The following MN1 variants were observed in gnomAD, a reference collection of about 807,000 sequenced individuals.
MN1 encodes the protein MN1 proto-oncogene, transcriptional regulator, also known as transcriptional activator MN1.
MN1 carries 19 observed loss-of-function variants against 86.9 expected under a neutral mutation model. The observed-to-expected ratio is 0.22, with a 90% CI of 0.15 to 0.32. The LOEUF (loss-of-function observed/expected upper bound fraction) is 0.32. Ranked by LOEUF, MN1 falls within the 10% of genes least tolerant of loss-of-function variation. The pLI, the probability that MN1 is intolerant of heterozygous loss-of-function variation, is 1.00. For synonymous variants in MN1, 928 were observed against 849.6 expected (o/e 1.09, Z -1.60); for missense variants, 1,841 against 1,862.0 (o/e 0.99, Z 0.21).
chr22:27,779,484 T>C (rs1933023422), intron 1 of MN1, among the ~76,000 whole-genome samples: 2 of 151,822 alleles, frequency 1.3e-5, no homozygotes, highest in African/African-American at 2.4e-5. Flanking sequence ...AGACACAGAG[T>C]TGGTTTTTAT....
intron 1 of MN1, 23 bp downstream of exon 1, chr22:27,796,740 G>C (rs755960564): frequency 1.3e-6 from 2 of 1,559,612 alleles, no homozygotes; most frequent in Admixed American, 1.7e-5. Context: ...CGGGAAGTGA[G>C]AGGAAAACGA....
intron 1 of MN1, among the ~76,000 whole-genome samples, chr22:27,768,083 G>C (rs1932884300): frequency 6.6e-6 from 1 of 152,112 alleles, no homozygotes. Context: ...CAGAAAGAGA[G>C]ACAGACAAGG....
rs558968445 is a variant in MN1, at chr22:27,751,235, G to T, written c.3782-139C>A. On this transcript the variant is annotated intron_variant, in intron 1 of 1. Transcript: ENST00000302326. ...TCCATGGCTAAAGCTGGTCCCAGAG[G>T]ATCTAGAGATGTTGTTTTGAATCTT... 4 of 565,922 alleles carry T rather than the reference G, an allele frequency of 7.1e-6. No homozygotes were observed. In the East Asian group the frequency reaches 1.3e-4, roughly 19 times the overall value. 35.1% of individuals were successfully genotyped at this position (565,922 alleles called of 1,614,324 possible). A position where few individuals can be genotyped will look rare whatever the true frequency, so the allele number is the denominator to read the frequency against.
In MN1 at chr22:27,798,613, GGCA is replaced by G. The variant is rs1375023399; in HGVS notation, c.1928_1930del (p.Leu643del). The G allele has an allele frequency of 3.5e-5, 54 of 1,561,938 alleles. No homozygotes were observed. Among genetic ancestry groups the G allele is most frequent in the Non-Finnish European group, 4.6e-5 (53 of 1,162,754 alleles). ...CAGACCCGAGCCGCCCATCCTACGG[GGCA>G]GCAGGTCTCCGGGCGGCGGATGCGG... is the stretch of plus-strand genomic sequence containing the variant. On this transcript the variant is annotated inframe_deletion, in exon 1 of 2. Transcript: ENST00000302326.
At chr22:27,775,256 G>T (rs946890231) in intron 1 of MN1, among the ~76,000 whole-genome samples, 2 of 152,164 alleles carry the variant, frequency 1.3e-5, no homozygotes, top group Non-Finnish European at 2.9e-5. Context: ...CCGCCCTTTC[G>T]ATGGCTACAG....
chr22:27,758,197 C>T (rs1378311868), intron 1 of MN1, among the ~76,000 whole-genome samples: 1 of 152,130 alleles, frequency 6.6e-6, no homozygotes, highest in Non-Finnish European at 1.5e-5. Flanking sequence ...CCTCTGACCT[C>T]ATCTCTCAGT....
chr22:27,796,442 T>C (rs1933296448), intron 1 of MN1, among the ~76,000 whole-genome samples: 1 of 150,588 alleles, frequency 6.6e-6, no homozygotes. Flanking sequence ...GAAGGGGCAA[T>C]TCAGCTAAAA....
intron 1 of MN1, among the ~76,000 whole-genome samples, chr22:27,769,678 C>T (rs866949447): frequency 6.7e-6 from 1 of 149,510 alleles, no homozygotes; most frequent in Non-Finnish European, 1.5e-5. Flanking sequence ...CTCAGCCTCC[C>T]GAGTAGCTGG....
chr22:27,800,382 C>T lies in MN1; in HGVS notation c.162G>A (p.Ala54=), dbSNP rs375399134. The T allele has an allele frequency of 6.2e-7, 1 of 1,611,876 alleles. No homozygotes were observed. Among genetic ancestry groups the T allele is most frequent in the East Asian group, 2.2e-5 (1 of 44,810 alleles). Residue 54 remains alanine (A), a synonymous_variant, in exon 1 of 2, where the codon GCG becomes GCA. Coordinates refer to ENST00000302326, the MANE Select transcript of MN1 (RefSeq NM_002430.3). ...TGCCCAAGATCGGGGGTTCGCCCAG[C>T]GCGCTCATAGCAGGATCCACAGGGC... The part of the protein sequence containing the change: ...PPGPVDPAMS[A]LGEPPILGMN...
At position 27,798,690 on chromosome 22, in the gene MN1, G is replaced by T. The variant is rs529726950; in HGVS notation, c.1854C>A (p.Phe618Leu). 1.2e-5 allele frequency: 19 copies of T among 1,539,150 alleles called. No homozygotes were observed. Among genetic ancestry groups the T allele is most frequent in the Non-Finnish European group, 1.7e-5 (19 of 1,149,892 alleles). Residue 618 changes from phenylalanine to leucine, a missense_variant, in exon 1 of 2, where the codon TTC becomes TTA. By Grantham distance (22) the Phe-to-Leu change is conservative. Transcript: ENST00000302326. The stretch of plus-strand genomic sequence containing the variant: ...GCGCCAAGTGCGGCGCCTGCTGCTC[G>T]AAGGTGCCCAGACGCCCGGCGCCCG... ...GSTGAGRLGT[F>L]EQQAPHLAQE...
intron 1 of MN1, among the ~76,000 whole-genome samples, chr22:27,777,394 G>A (rs1932991324): frequency 6.6e-6 from 1 of 151,988 alleles, no homozygotes; most frequent in Admixed American, 6.6e-5. Context: ...TTAGCCAGGT[G>A]TGGTGGCACA....
intron 1 of MN1, among the ~76,000 whole-genome samples, chr22:27,779,797 G>C (rs541216638): frequency 2.0e-5 from 3 of 152,124 alleles, no homozygotes; most frequent in African/African-American, 7.2e-5. Flanking sequence ...ACACCTCCTC[G>C]GGCTGGCCCC....
chr22:27,794,641 A>G (rs1331912680), intron 1 of MN1, among the ~76,000 whole-genome samples: 1 of 152,224 alleles, frequency 6.6e-6, no homozygotes, highest in African/African-American at 2.4e-5. Context: ...CTTCATTCAC[A>G]GCCTGCATCT....
chr22:27,753,197 T>C (rs1932780721), intron 1 of MN1, among the ~76,000 whole-genome samples: 1 of 152,170 alleles, frequency 6.6e-6, no homozygotes, highest in African/African-American at 2.4e-5. Flanking sequence ...ACCTTCTATA[T>C]GCCAGGCATG....
rs1034596812 is a variant in MN1, at chr22:27,790,332, G to A, written c.3781+6431C>T. ...TCATCTCACCCACGCTCTGCAAAGC[G>A]GCTGATCACCCAGGTGAGGCTGCAT... is the stretch of plus-strand genomic sequence containing the variant. On this transcript the variant is annotated intron_variant, in intron 1 of 1. Coordinates refer to ENST00000302326, the MANE Select transcript of MN1 (RefSeq NM_002430.3). Among the ~76,000 whole-genome samples the A allele has an allele frequency of 3.9e-5, 6 of 152,218 alleles. No individual in the cohort carries two copies. The South Asian group carries it at 6.2e-4, about 16-fold the overall frequency.
At position 27,797,750 on chromosome 22, in the gene MN1, C is replaced by G; in HGVS notation, c.2794G>C (p.Gly932Arg). 2 of 1,608,246 alleles carry G rather than the reference C, an allele frequency of 1.2e-6. No individual in the cohort carries two copies. Among genetic ancestry groups the G allele is most frequent in the Non-Finnish European group, 1.7e-6 (2 of 1,178,408 alleles). Reference sequence around the variant, plus strand: ...CCGCCGCCCCCGGAGACCGGCTTGCCGTCATTCCCCGACGTGGATTCCAGG... The same window carrying G: ...CCGCCGCCCCCGGAGACCGGCTTGCGGTCATTCCCCGACGTGGATTCCAGG... ...YTLESTSGND[G>R]KPVSGGGGRG... The change falls in exon 1 of 2, where the codon GGC becomes CGC. Residue 932 changes from glycine (G) to arginine (R), a missense_variant. Gly to Arg is a moderately radical substitution (Grantham distance 125). Transcript: ENST00000302326.
At chr22:27,753,738 G>C (rs539335794) in intron 1 of MN1, among the ~76,000 whole-genome samples, 6 of 152,206 alleles carry the variant, frequency 3.9e-5, no homozygotes, top group Non-Finnish European at 4.4e-5. Flanking sequence ...GGAAGCTTAA[G>C]GCATCAGATG....
intron 1 of MN1, among the ~76,000 whole-genome samples, chr22:27,773,845 G>A (rs547874749): frequency 2.1e-4 from 32 of 152,318 alleles, no homozygotes; most frequent in African/African-American, 7.0e-4. Flanking sequence ...AGTAGAGACT[G>A]AGTTTCGCCA....
chr22:27,798,594 C>A lies in MN1; in HGVS notation c.1950G>T (p.Ser650=). 2.6e-6 allele frequency: 4 copies of A among 1,553,430 alleles called. No individual in the cohort carries two copies. Among genetic ancestry groups the A allele is most frequent in the East Asian group, 2.4e-5 (1 of 42,296 alleles). The change falls in exon 1 of 2, where the codon TCG becomes TCT. Residue 650 remains serine (S), a synonymous_variant. Transcript: ENST00000302326. Reference sequence around the variant, plus strand: ...GCGGGCCACAGTCAGCGGGCAGACCCGAGCCGCCCATCCTACGGGGCAGCA... The same window carrying A: ...GCGGGCCACAGTCAGCGGGCAGACCAGAGCCGCCCATCCTACGGGGCAGCA... ...GDLLPRRMGG[S]GLPADCGPHD... is the part of the protein sequence containing the mutation.
Sources: gnomAD v4.1 joint callset for allele counts (sites outside exome capture counted in the v4.1 genomes callset) on GRCh38, gnomAD v4.1.1 for gene constraint, MANE v1.5 for transcripts, NCBI Gene and HGNC (gene_info 2026-07-23, HGNC 2026-07-21) for gene names.